The following DIAPH2 variants were observed in gnomAD, a reference collection of about 807,000 sequenced individuals.
The protein encoded by DIAPH2 is protein diaphanous homolog 2.
A neutral mutation model predicts 92.7 loss-of-function variants in DIAPH2; 35 were observed. The observed-to-expected ratio is 0.38, with a 90% CI of 0.29 to 0.50. The LOEUF (loss-of-function observed/expected upper bound fraction) is 0.50, where lower values mean the gene tolerates loss of function less well. Ranked by LOEUF, DIAPH2 falls within the 20% of genes least tolerant of loss-of-function variation. The probability of loss-of-function intolerance (pLI) is 0.94; values close to 1 mark genes in which losing one functional copy is unlikely to be tolerated. For synonymous variants in DIAPH2, 301 were observed against 280.4 expected, an observed-to-expected ratio of 1.07 and a Z score of -0.73; for missense variants, 701 against 819.5, an observed-to-expected ratio of 0.86 and a Z score of 1.77.
chrX:96,767,050 C>G (rs1393799402), intron 4 of DIAPH2, among the ~76,000 whole-genome samples: 1 of 111,574 alleles, frequency 9.0e-6, no homozygotes, highest in Non-Finnish European at 1.9e-5. Flanking sequence ...TGAAGCCTGT[C>G]TTGATCTTGA....
At chrX:97,234,208 G>A (rs1387969153) in intron 22 of DIAPH2, among the ~76,000 whole-genome samples, 1 of 108,179 alleles carries the variant, frequency 9.2e-6, no homozygotes, top group African/African-American at 3.4e-5. Context: ...GTGCATGCCT[G>A]TAATCCCAGC....
intron 4 of DIAPH2, chrX:96,793,645 T>C (rs776016842): frequency 5.4e-6 from 2 of 372,534 alleles, no homozygotes; most frequent in African/African-American, 5.1e-5. Flanking sequence ...GAGGAAGCTT[T>C]GGTGTTTCTT....
intron 26 of DIAPH2, among the ~76,000 whole-genome samples, chrX:97,578,364 C>T (rs1370619508): frequency 9.4e-6 from 1 of 105,956 alleles, no homozygotes; most frequent in Non-Finnish European, 1.9e-5. Context: ...TGTTCCCCTT[C>T]CTGTGTCCAT....
intron 4 of DIAPH2, among the ~76,000 whole-genome samples, chrX:96,823,164 C>T (rs977627341): frequency 5.4e-5 from 6 of 111,428 alleles, no homozygotes; most frequent in African/African-American, 1.6e-4. Context: ...ATAGTACAAC[C>T]TTTCTGGAGG....
chrX:97,076,528 C>A (rs1462543151), intron 19 of DIAPH2, among the ~76,000 whole-genome samples: 6 of 110,409 alleles, frequency 5.4e-5, no homozygotes, highest in African/African-American at 2.0e-4. Flanking sequence ...GAGACTCTGT[C>A]TCAAAAAAAA....
intron 22 of DIAPH2, among the ~76,000 whole-genome samples, chrX:97,168,767 G>A (rs1051186684): frequency 4.5e-5 from 5 of 111,990 alleles, no homozygotes. Context: ...CAGGGTGCCA[G>A]CATGGTCTGG....
chrX:96,694,433 C>T (rs907013116), intron 1 of DIAPH2, among the ~76,000 whole-genome samples: 3 of 110,021 alleles, frequency 2.7e-5, no homozygotes, highest in Non-Finnish European at 3.8e-5. Context: ...CTCCGCCTCC[C>T]GGGTTCAAGC....
chrX:97,159,823 A>G (rs2067353602), intron 22 of DIAPH2, among the ~76,000 whole-genome samples: 1 of 111,921 alleles, frequency 8.9e-6, no homozygotes, highest in African/African-American at 3.2e-5. Flanking sequence ...AAAATAAATT[A>G]CCTATAATTT....
rs775442612 is a variant in DIAPH2 at position 97,487,916 on chromosome X, T to A, written c.3241+58171T>A. On this transcript the variant is annotated intron_variant, in intron 26 of 26. Coordinates refer to ENST00000324765, the MANE Select transcript of DIAPH2 (RefSeq NM_006729.5). ...CTGTTGGCCATTTGTATGTCTACTT[T>A]GGAGAAATGTCTATTCAAAACCTTT... is the stretch of plus-strand genomic sequence containing the variant. Among the ~76,000 whole-genome samples, 166 of 112,589 alleles carry A rather than the reference T, an allele frequency of 1.5e-3. 1 individual carries two copies. The highest frequency in any genetic ancestry group is 6.2e-3 in the South Asian group (17 of 2,728).
intron 22 of DIAPH2, among the ~76,000 whole-genome samples, chrX:97,240,344 C>T (rs1008179554): frequency 6.3e-5 from 7 of 111,220 alleles, no homozygotes; most frequent in East Asian, 2.8e-4. Flanking sequence ...CTGTGGCTCG[C>T]GCCTGTAATC....
rs752835721 is a variant in DIAPH2 at position 97,573,763 on chromosome X, C to T, written c.3242-25490C>T. Among the ~76,000 whole-genome samples, 11 of 107,254 alleles carry T rather than the reference C, an allele frequency of 1.0e-4. No homozygotes were observed. In the South Asian group the frequency reaches 3.4e-3, roughly 33 times the overall value. The allele number at this position is 107,254 out of a possible 115,157, so 93.1% of individuals were successfully genotyped here. On this transcript the variant is annotated intron_variant, in intron 26 of 26. Coordinates refer to ENST00000324765, the MANE Select transcript of DIAPH2 (RefSeq NM_006729.5). Reference sequence around the variant, plus strand: ...GCAACCTCTGCCTCCTGGGTTCAAGCGATTCTCCAGCCTCAGCCTCCCAAG... The same window carrying T: ...GCAACCTCTGCCTCCTGGGTTCAAGTGATTCTCCAGCCTCAGCCTCCCAAG...
chrX:97,509,301 C>A (rs994032474), intron 26 of DIAPH2, among the ~76,000 whole-genome samples: 4 of 109,754 alleles, frequency 3.6e-5, no homozygotes, highest in Non-Finnish European at 7.6e-5. Flanking sequence ...CCCACCTTGG[C>A]CTCCCAAAGT....
intron 26 of DIAPH2, among the ~76,000 whole-genome samples, chrX:97,571,645 GT>G (rs1290879529): frequency 1.4e-3 from 146 of 106,491 alleles, no homozygotes; most frequent in African/African-American, 4.7e-3. Context: ...ATAGAGGCTG[GT>G]TTTTTTTTTC....
chrX:97,331,178 T>G (rs1469042344), intron 23 of DIAPH2, among the ~76,000 whole-genome samples: 1 of 111,517 alleles, frequency 9.0e-6, no homozygotes, highest in Non-Finnish European at 1.9e-5. Context: ...TTTGTTTTCC[T>G]CAAGCAGAAA....
At chrX:96,880,654 A>G (rs1433227259) in intron 4 of DIAPH2, among the ~76,000 whole-genome samples, 1 of 111,696 alleles carries the variant, frequency 9.0e-6, no homozygotes, top group African/African-American at 3.2e-5. Context: ...CTTAGCAGAA[A>G]CTGAGTGTAA....
intron 26 of DIAPH2, among the ~76,000 whole-genome samples, chrX:97,553,370 A>G (rs2071233986): frequency 8.9e-6 from 1 of 112,026 alleles, no homozygotes; most frequent in South Asian, 3.7e-4. Context: ...AGATAAGCCA[A>G]TAAACCAGAC....
intron 23 of DIAPH2, among the ~76,000 whole-genome samples, chrX:97,275,755 G>A (rs1270989330): frequency 9.2e-6 from 1 of 108,943 alleles, no homozygotes; most frequent in East Asian, 2.9e-4. Context: ...CTTCCTAGAC[G>A]GGATGGCGGC....
intron 23 of DIAPH2, among the ~76,000 whole-genome samples, chrX:97,329,891 GACACAC>G (rs201851023): frequency 0.04 from 3,203 of 79,369 alleles, 95 homozygotes; most frequent in African/African-American, 0.095. Context: ...TGCATTCTTA[GACACAC>G]ACACACACAC....
chrX:97,141,577 A>G (rs1474759447), intron 21 of DIAPH2, 88 bp from the exon 22 acceptor site: 27 of 958,469 alleles, frequency 2.8e-5, no homozygotes, highest in Non-Finnish European at 5.6e-6. Context: ...AACATTTTAA[A>G]TGGGTTATAA....
Sources: allele counts gnomAD v4.1 joint callset (sites outside exome capture counted in the v4.1 genomes callset), GRCh38; gene constraint gnomAD v4.1.1; transcripts MANE v1.5; gene names NCBI Gene and HGNC (gene_info 2026-07-23, HGNC 2026-07-21).